ALKBH5: variants seen among roughly 807,000 people sequenced by gnomAD.
The protein encoded by ALKBH5 is alkB homolog 5, RNA demethylase.
A neutral mutation model predicts 32.1 loss-of-function variants in ALKBH5; 2 were observed. That is an observed-to-expected ratio of 0.06 (90% CI 0.03 to 0.20). The LOEUF is 0.20. Among genes scored for constraint, ALKBH5 ranks in the 10% least tolerant of loss-of-function variants. The pLI, the probability that ALKBH5 is intolerant of heterozygous loss-of-function variation, is 1.00. For synonymous variants in ALKBH5, 300 were observed against 231.7 expected (o/e 1.29, Z -2.68); for missense variants, 352 against 559.5 (o/e 0.63, Z 3.74).
At chr17:18,194,148 C>CG (rs1394146621) in intron 1 of ALKBH5, among the ~76,000 whole-genome samples, 1 of 74,914 alleles carries the variant, frequency 1.3e-5, no homozygotes, top group Non-Finnish European at 2.8e-5. Flanking sequence ...TTTTTTTGGG[C>CG]GGGGGGCAGG....
intron 1 of ALKBH5, among the ~76,000 whole-genome samples, chr17:18,186,512 A>G (rs961573983): frequency 3.3e-5 from 5 of 152,042 alleles, no homozygotes; most frequent in African/African-American, 1.2e-4. Flanking sequence ...GGTTGTCAGG[A>G]GGTCTAGTAG....
At chr17:18,201,324 A>G (rs2047235227) in intron 2 of ALKBH5, among the ~76,000 whole-genome samples, 1 of 152,218 alleles carries the variant, frequency 6.6e-6, no homozygotes, top group African/African-American at 2.4e-5. Flanking sequence ...TGCCCAAGGA[A>G]TATGGGTACA....
At chr17:18,188,799 T>C (rs908330172) in intron 1 of ALKBH5, among the ~76,000 whole-genome samples, 1 of 152,202 alleles carries the variant, frequency 6.6e-6, no homozygotes, top group African/African-American at 2.4e-5. Flanking sequence ...CCAGGCTTAG[T>C]GGCTCATGCC....
At chr17:18,185,147 G>A in intron 1 of ALKBH5, 134 bp downstream of exon 1, 1 of 1,439,954 alleles carries the variant, frequency 6.9e-7, no homozygotes, top group Non-Finnish European at 9.2e-7. Context: ...AGATTGTAGG[G>A]AGCGAGAGAA....
chr17:18,201,777 A>AGATAGATAGATAGGTAGATAGATAG (rs1567676605), intron 2 of ALKBH5, among the ~76,000 whole-genome samples: 2 of 124,464 alleles, frequency 1.6e-5, no homozygotes, highest in Non-Finnish European at 3.5e-5. Context: ...ATAGATAGAT[A>AGATAGATAGATAGGTAGATAGATAG]GATAGATAGG....
At chr17:18,202,460 A>G (rs1200709068) in intron 2 of ALKBH5, among the ~76,000 whole-genome samples, 2 of 152,116 alleles carry the variant, frequency 1.3e-5, no homozygotes, top group East Asian at 3.9e-4. Flanking sequence ...TCTGATTCTC[A>G]AAGGTGCTGG....
rs746103468 is a variant in ALKBH5, at chr17:18,184,360, C to T, written c.117C>T (p.Ala39=). The part of the protein sequence containing the change: ...EAAAAAAAAV[A]AAAAAAAAAE... The stretch of plus-strand genomic sequence containing the variant: ...CCGCCGCTGCCGCAGCCGCCGTAGC[C>T]GCCGCAGCCGCAGCCGCCGCTGCCG... Residue 39 remains alanine (A), a synonymous_variant, in exon 1 of 4, where the codon GCC becomes GCT. Coordinates refer to ENST00000399138, the MANE Select transcript of ALKBH5 (RefSeq NM_017758.4). 2.3e-5 allele frequency: 35 copies of T among 1,516,500 alleles called. No individual in the cohort carries two copies. Among genetic ancestry groups the T allele is most frequent in the Middle Eastern group, 2.1e-4 (1 of 4,666 alleles). The allele number at this position is 1,516,500 out of a possible 1,614,324, so 93.9% of individuals were successfully genotyped here.
chr17:18,184,060 GCCGCTCCTGAGGC>G lies in ALKBH5; in HGVS notation c.-181_-169del. On this transcript the variant is annotated 5_prime_UTR_variant, in exon 1 of 4. The change abolishes the stop of an existing upstream ORF in the 5' untranslated region. Transcript: ENST00000399138. Reference sequence around the variant, plus strand: ...CGTTGTCGCCACCGTTGCATGACCCGCCGCTCCTGAGGCCCTACCCCACGCCCGGACCCTCGAC... The same window carrying G: ...CGTTGTCGCCACCGTTGCATGACCCGCCTACCCCACGCCCGGACCCTCGAC... 1.5e-6 allele frequency: 1 copy of G among 681,840 alleles called. No individual in the cohort carries two copies. The highest frequency in any genetic ancestry group is 2.6e-6 in the Non-Finnish European group (1 of 378,682). The allele number at this position is 681,840 out of a possible 1,614,324, so 42.2% of individuals were successfully genotyped here.
intron 1 of ALKBH5, among the ~76,000 whole-genome samples, chr17:18,187,920 G>A (rs1052308055): frequency 2.6e-5 from 4 of 152,126 alleles, no homozygotes; most frequent in African/African-American, 9.7e-5. Context: ...CTCTAAGACC[G>A]CATGGCAAGA....
chr17:18,208,340 G>T lies in ALKBH5; in HGVS notation c.1129G>T (p.Asp377Tyr). Residue 377 changes from aspartate to tyrosine, a missense_variant, in exon 4 of 4, where the codon GAC (aspartate) becomes TAC (tyrosine). Asp to Tyr is a radical substitution (Grantham distance 160, BLOSUM62 -3). Transcript: ENST00000399138. ...YWRKSYESSE[D>Y]CSEAAGSPAR... ...GCGCAAGTCATACGAGTCCTCAGAG[G>T]ACTGCTCTGAGGCAGCAGGCAGCCC... is the stretch of plus-strand genomic sequence containing the variant. 1 of 1,614,038 alleles carries T rather than the reference G, an allele frequency of 6.2e-7. No individual in the cohort carries two copies. Among genetic ancestry groups the T allele is most frequent in the Non-Finnish European group, 8.5e-7 (1 of 1,179,974 alleles).
chr17:18,206,710 C>T (rs1271982390), intron 2 of ALKBH5, 105 bp from the exon 3 acceptor site: 15 of 1,288,206 alleles, frequency 1.2e-5, no homozygotes, highest in Non-Finnish European at 1.6e-5. Context: ...CTGCTGGCTT[C>T]CAGGTCTAGC....
chr17:18,198,853 A>C (rs2047219661), intron 2 of ALKBH5, among the ~76,000 whole-genome samples: 1 of 152,106 alleles, frequency 6.6e-6, no homozygotes, highest in Non-Finnish European at 1.5e-5. Flanking sequence ...AACCTTTTAA[A>C]AAAGTCTCCC....
At chr17:18,186,533 C>T (rs530744360) in intron 1 of ALKBH5, among the ~76,000 whole-genome samples, 14 of 152,246 alleles carry the variant, frequency 9.2e-5, no homozygotes, top group Non-Finnish European at 2.1e-4. Flanking sequence ...TGGTCTGGTG[C>T]TTAATGAGGG....
chr17:18,184,771 G>A lies in ALKBH5; in HGVS notation c.528G>A (p.Leu176=), dbSNP rs776062598. 6.2e-7 allele frequency: 1 copy of A among 1,613,902 alleles called. No homozygotes were observed. Among genetic ancestry groups the A allele is most frequent in the South Asian group, 1.1e-5 (1 of 91,082 alleles). ...EWVHQLVIQK[L]VEHRVIPEGF... ...TGCACCAGCTGGTGATCCAAAAGCT[G>A]GTGGAGCACCGCGTCATCCCCGAGG... is the stretch of plus-strand genomic sequence containing the variant. The change falls in exon 1 of 4, where the codon CTG becomes CTA. Residue 176 remains leucine, a synonymous_variant. Coordinates refer to ENST00000399138, the MANE Select transcript of ALKBH5 (RefSeq NM_017758.4).
In ALKBH5 at chr17:18,183,939, G is replaced by A; in HGVS notation, c.-305G>A. ...CGGGCGTCCGAGGGTCTGGTCGGGA[G>A]TCGGGCCGCGTCTCCGCAGCAGCCC... On this transcript the variant is annotated 5_prime_UTR_variant, in exon 1 of 4. Transcript: ENST00000399138. 2 of 582,182 alleles carry A rather than the reference G, an allele frequency of 3.4e-6. No individual in the cohort carries two copies. The highest frequency in any genetic ancestry group is 4.0e-5 in the East Asian group (1 of 25,062). The allele number at this position is 582,182 out of a possible 1,614,324, so 36.1% of individuals were successfully genotyped here.
At chr17:18,193,890 T>G (rs2142476171) in intron 1 of ALKBH5, among the ~76,000 whole-genome samples, 1 of 152,314 alleles carries the variant, frequency 6.6e-6, no homozygotes, top group South Asian at 2.1e-4. Flanking sequence ...GCTGAGTTTC[T>G]GGGTGTGTAG....
intron 1 of ALKBH5, among the ~76,000 whole-genome samples, chr17:18,188,903 C>T (rs747204046): frequency 6.6e-6 from 1 of 152,054 alleles, no homozygotes; most frequent in Non-Finnish European, 1.5e-5. Context: ...CCCATCTCTA[C>T]TAAAAATACA....
chr17:18,199,287 G>A (rs1237791052), intron 2 of ALKBH5, among the ~76,000 whole-genome samples: 1 of 152,150 alleles, frequency 6.6e-6, no homozygotes, highest in Admixed American at 6.5e-5. Flanking sequence ...CTCTGTAATC[G>A]TTGGTAACCC....
chr17:18,194,404 T>G (rs1477469124), intron 1 of ALKBH5, among the ~76,000 whole-genome samples: 1 of 152,190 alleles, frequency 6.6e-6, no homozygotes, highest in African/African-American at 2.4e-5. Context: ...TCCGCCCACC[T>G]CGGCCTCCCA....
Sources: allele counts gnomAD v4.1 joint callset (sites outside exome capture counted in the v4.1 genomes callset), GRCh38; gene constraint gnomAD v4.1.1; transcripts MANE v1.5; gene names NCBI Gene and HGNC (gene_info 2026-07-23, HGNC 2026-07-21).